LCOR: variants seen among roughly 807,000 people sequenced by gnomAD.
LCOR encodes ligand-dependent corepressor.
A neutral mutation model predicts 64.4 loss-of-function variants in LCOR; 14 were observed. That is an observed-to-expected ratio of 0.22 (90% CI 0.14 to 0.34). The LOEUF (loss-of-function observed/expected upper bound fraction) is 0.34, where lower values mean the gene tolerates loss of function less well. Ranked by LOEUF, LCOR falls within the 10% of genes least tolerant of loss-of-function variation. LCOR has a pLI of 1.00. For missense variants in LCOR, 1,686 were observed against 1,765.3 expected, an observed-to-expected ratio of 0.96 and a Z score of 0.80; for synonymous variants, 643 against 642.5, an observed-to-expected ratio of 1.00 and a Z score of -0.01.
intron 7 of LCOR, among the ~76,000 whole-genome samples, chr10:96,980,585 A>T (rs940064343): frequency 6.6e-6 from 1 of 151,806 alleles, no homozygotes; most frequent in African/African-American, 2.4e-5. Context: ...GGTGGCTTAC[A>T]CCTGTAATCC....
rs745606652 is a variant in LCOR at position 96,952,097 on chromosome 10, C to T, written c.239-6C>T. ...TATCCTCAGGTGTTTCTTTGTGTCTCTGCAGACGGTGTACTTGATCTGTCC... is the reference window on the plus strand; with the variant it reads ...TATCCTCAGGTGTTTCTTTGTGTCTTTGCAGACGGTGTACTTGATCTGTCC... On this transcript the variant is annotated splice_region_variant and splice_polypyrimidine_tract_variant and intron_variant, in intron 6 of 7. Coordinates refer to ENST00000421806, the MANE Select transcript of LCOR (RefSeq NM_001346516.2). The T allele has an allele frequency of 5.0e-6, 8 of 1,608,858 alleles. No homozygotes were observed. Among genetic ancestry groups the T allele is most frequent in the Non-Finnish European group, 6.8e-6 (8 of 1,175,606 alleles).
chr10:96,968,211 T>G (rs1036827679), intron 7 of LCOR, among the ~76,000 whole-genome samples: 1 of 152,210 alleles, frequency 6.6e-6, no homozygotes, highest in Admixed American at 6.5e-5. Context: ...CTTTTTCATT[T>G]TTTTAGGTGA....
intron 2 of LCOR, among the ~76,000 whole-genome samples, chr10:96,865,388 A>G (rs1408219822): frequency 6.6e-6 from 1 of 152,194 alleles, no homozygotes; most frequent in Non-Finnish European, 1.5e-5. Context: ...CTGTAAATCC[A>G]TAGCTGTACA....
chr10:96,982,511 A>G lies in LCOR; in HGVS notation c.2051A>G (p.Asp684Gly). ...AGCTTTTCCGGGGGAGTCAGTGAAG[A>G]TGTCATTTCTAGGCCTCATTCTCCT... ...TESFSGGVSE[D>G]VISRPHSPPE... The change falls in exon 8 of 8, where the codon GAT (aspartate) becomes GGT (glycine). Residue 684 changes from aspartate (D) to glycine (G), a missense_variant. By Grantham distance (94) the Asp-to-Gly change is moderately conservative (BLOSUM62 -1). This residue lies in a region of LCOR where 1,293 missense variants were observed against 1,410.4 expected (regional missense o/e 0.92). Transcript: ENST00000421806. The G allele has an allele frequency of 6.2e-7, 1 of 1,614,164 alleles. No homozygotes were observed. Among genetic ancestry groups the G allele is most frequent in the South Asian group, 1.1e-5 (1 of 91,092 alleles).
chr10:96,983,383 G>T lies in LCOR; in HGVS notation c.2923G>T (p.Ala975Ser), dbSNP rs776798198. Reference protein sequence around the residue: ...SIACKRDPEQAKEEPGHIPTQ... With the variant: ...SIACKRDPEQSKEEPGHIPTQ... The stretch of plus-strand genomic sequence containing the variant: ...TGCTTGTAAGAGGGACCCAGAACAG[G>T]CAAAAGAAGAGCCAGGGCATATTCC... Residue 975 changes from alanine to serine, a missense_variant, in exon 8 of 8, where the codon GCA becomes TCA. Around this residue, in one of 3 missense-constraint regions of LCOR, gnomAD observed 1,293 missense variants for 1,410.4 expected, o/e 0.92. Coordinates refer to ENST00000421806, the MANE Select transcript of LCOR (RefSeq NM_001346516.2). This position sits in a 1 kb window ranked among gnomAD's most constrained non-coding sequence, Gnocchi z 4.5. 42 of 1,614,062 alleles carry T rather than the reference G, an allele frequency of 2.6e-5. No individual in the cohort carries two copies. The East Asian group carries it at 2.9e-4, about 11-fold the overall frequency.
At chr10:96,901,387 C>T (rs1846634950) in intron 2 of LCOR, among the ~76,000 whole-genome samples, 1 of 152,084 alleles carries the variant, frequency 6.6e-6, no homozygotes, top group African/African-American at 2.4e-5. Flanking sequence ...AATCTCTTTC[C>T]TCTTATTTTA....
At position 96,849,657 on chromosome 10, in the gene LCOR, GT is replaced by G. The variant is rs1845693343; in HGVS notation, c.-330+16181del. On this transcript the variant is annotated intron_variant, in intron 2 of 7. Coordinates refer to ENST00000421806, the MANE Select transcript of LCOR (RefSeq NM_001346516.2). ...TCAAAATGCAGGTGCACAACATACA[GT>G]TTATTCAGTGTCCCCAAAGGGAAAA... Among the ~76,000 whole-genome samples, 3 of 152,252 alleles carry G rather than the reference GT, an allele frequency of 2.0e-5. No homozygotes were observed. The South Asian group carries it at 6.2e-4, about 32-fold the overall frequency.
intron 2 of LCOR, among the ~76,000 whole-genome samples, chr10:96,867,421 A>G (rs975080690): frequency 6.6e-6 from 1 of 152,114 alleles, no homozygotes; most frequent in Non-Finnish European, 1.5e-5. Flanking sequence ...ACATATGGAG[A>G]TCTTGCCTCC....
intron 2 of LCOR, among the ~76,000 whole-genome samples, chr10:96,904,620 A>T (rs761157922): frequency 6.6e-6 from 1 of 152,176 alleles, no homozygotes; most frequent in Non-Finnish European, 1.5e-5. Context: ...GATAAAATAA[A>T]TAATTTTTCT....
At chr10:96,849,369 G>C (rs932674833) in intron 2 of LCOR, among the ~76,000 whole-genome samples, 1 of 151,838 alleles carries the variant, frequency 6.6e-6, no homozygotes, top group South Asian at 2.1e-4. Context: ...CACTGCGTCC[G>C]GCCTAATTTT....
In LCOR at chr10:96,832,377, C is replaced by G; in HGVS notation, c.-426C>G. 2 of 985,026 alleles carry G rather than the reference C, an allele frequency of 2.0e-6. No homozygotes were observed. The highest frequency in any genetic ancestry group is 2.4e-6 in the Non-Finnish European group (2 of 829,400). 61.0% of individuals were successfully genotyped at this position (985,026 alleles called of 1,614,324 possible). A position where few individuals can be genotyped will look rare whatever the true frequency, so the allele number is the denominator to read the frequency against. ...TTCGGCAAGAACTGGATTCGTGGCG[C>G]CACAAGCTCATTCACTGTGTAGGTG... On this transcript the variant is annotated 5_prime_UTR_variant, in exon 1 of 8. Transcript: ENST00000421806.
intron 4 of LCOR, among the ~76,000 whole-genome samples, chr10:96,920,315 G>A (rs540127690): frequency 6.6e-6 from 1 of 150,930 alleles, no homozygotes; most frequent in African/African-American, 2.4e-5. Flanking sequence ...TTAAAGAAAT[G>A]TCTTGTTCAA....
chr10:96,877,010 A>G (rs1290447039), intron 2 of LCOR, among the ~76,000 whole-genome samples: 1 of 152,150 alleles, frequency 6.6e-6, no homozygotes, highest in Non-Finnish European at 1.5e-5. Context: ...ATGTATATAA[A>G]AATTGTTCAG....
intron 2 of LCOR, among the ~76,000 whole-genome samples, chr10:96,892,548 ATC>A: frequency 6.6e-6 from 1 of 152,160 alleles, no homozygotes; most frequent in South Asian, 2.1e-4. Flanking sequence ...AGGATGAGGG[ATC>A]TCTCTTGGTG....
chr10:96,844,256 T>TC (rs1461590793), intron 2 of LCOR, among the ~76,000 whole-genome samples: 4 of 151,082 alleles, frequency 2.6e-5, no homozygotes, highest in Non-Finnish European at 2.9e-5. Flanking sequence ...ACTCAACTGA[T>TC]CCTCCTGCCT....
intron 7 of LCOR, chr10:96,961,930 A>G (rs1280027937): frequency 1.3e-5 from 2 of 151,550 alleles, no homozygotes; most frequent in Non-Finnish European, 2.9e-5. Context: ...AAGGTTATAT[A>G]GTAAACTTCA....
rs759675135 is a variant in LCOR, at chr10:96,982,314, G to T, written c.1854G>T (p.Trp618Cys). The T allele has an allele frequency of 1.2e-6, 2 of 1,614,102 alleles. No homozygotes were observed. The highest frequency in any genetic ancestry group is 1.7e-6 in the Non-Finnish European group (2 of 1,180,046). The stretch of plus-strand genomic sequence containing the variant: ...AAACGACAGCCTCCAGCCTGGTGTG[G>T]CCTCTCCCTGCTCACCTTCCTGAAG... The part of the protein sequence containing the change: ...SEETTASSLV[W>C]PLPAHLPEED... Residue 618 changes from tryptophan to cysteine, a missense_variant, in exon 8 of 8, where the codon TGG becomes TGT. Transcript: ENST00000421806.
chr10:96,921,492 C>T (rs1025730441), intron 4 of LCOR, among the ~76,000 whole-genome samples: 7 of 152,022 alleles, frequency 4.6e-5, no homozygotes, highest in African/African-American at 1.2e-4. Context: ...GACGGAGTTT[C>T]GCTCTATCTC....
At chr10:96,973,504 C>G (rs992291316) in intron 7 of LCOR, among the ~76,000 whole-genome samples, 2 of 152,176 alleles carry the variant, frequency 1.3e-5, no homozygotes. Context: ...CCTGACTATA[C>G]TTATACTTTC....
Sources: allele counts gnomAD v4.1 joint callset (sites outside exome capture counted in the v4.1 genomes callset), GRCh38; gene constraint gnomAD v4.1.1; regional missense constraint gnomAD v4.1.1; non-coding constraint Gnocchi (gnomAD v3.1); transcripts MANE v1.5; gene names NCBI Gene and HGNC (gene_info 2026-07-23, HGNC 2026-07-21).